ANO5: variants seen among roughly 807,000 people sequenced by gnomAD.
ANO5 encodes the protein anoctamin-5.
In ANO5, 109 loss-of-function variants were observed where a neutral mutation model predicts 121.0. That is an observed-to-expected ratio of 0.90 (90% CI 0.77 to 1.06). ANO5 has a LOEUF of 1.06. ANO5 is among the 50% of genes least tolerant of loss of function. The probability of loss-of-function intolerance (pLI) is 0.00; values close to 1 mark genes in which losing one functional copy is unlikely to be tolerated. For synonymous variants in ANO5, 406 were observed against 359.9 expected (o/e 1.13, Z -1.45); for missense variants, 1,064 against 1,078.5 (o/e 0.99, Z 0.19).
At chr11:22,215,812 G>A (rs528881245) in intron 3 of ANO5, among the ~76,000 whole-genome samples, 20 of 151,788 alleles carry the variant, frequency 1.3e-4, no homozygotes, top group Admixed American at 5.9e-4. Flanking sequence ...TTTCCCTTTA[G>A]CGGTTTTCCT....
chr11:22,253,187 C>T (rs1257931269), intron 12 of ANO5, among the ~76,000 whole-genome samples: 2 of 152,104 alleles, frequency 1.3e-5, no homozygotes, highest in Non-Finnish European at 2.9e-5. Context: ...TTCCTGAAAT[C>T]CTTTTCAGGG....
intron 3 of ANO5, among the ~76,000 whole-genome samples, chr11:22,212,345 C>A (rs745874519): frequency 3.3e-5 from 5 of 151,832 alleles, no homozygotes; most frequent in Non-Finnish European, 5.9e-5. Context: ...TCCTCTCAGT[C>A]TTTTTGTATA....
At chr11:22,270,524 C>T in intron 18 of ANO5, 82 bp downstream of exon 18, 1 of 1,576,842 alleles carries the variant, frequency 6.3e-7, no homozygotes, top group Non-Finnish European at 8.7e-7. Context: ...TTCTGCCTTG[C>T]ACATGGTAGG....
chr11:22,262,981 CCA>C lies in ANO5; in HGVS notation c.1837_1838del (p.Gln613IlefsTer15), dbSNP rs1854242142. On this transcript the variant is annotated frameshift_variant, in exon 17 of 22. Transcript: ENST00000324559. LOFTEE classifies it high-confidence loss of function. ...PGGCLIELTT[Q>X]LTIIMTGKQI... ...GAGGCTGTCTTATAGAATTGACAAC[CCA>C]ATTGACCATTATAATGACCGGGAAA... The C allele has an allele frequency of 1.2e-6, 2 of 1,613,572 alleles. No individual in the cohort carries two copies. The highest frequency in any genetic ancestry group is 1.7e-6 in the Non-Finnish European group (2 of 1,179,716).
At chr11:22,256,778 G>C (rs1285131376) in intron 13 of ANO5, among the ~76,000 whole-genome samples, 1 of 151,926 alleles carries the variant, frequency 6.6e-6, no homozygotes, top group East Asian at 1.9e-4. Flanking sequence ...TGCTTCCTCA[G>C]TGTTTAAGGA....
At chr11:22,222,049 G>GT (rs1008170930) in intron 5 of ANO5, among the ~76,000 whole-genome samples, 8 of 151,740 alleles carry the variant, frequency 5.3e-5, no homozygotes, top group African/African-American at 1.5e-4. Flanking sequence ...CCTCTTTGAG[G>GT]TTTTTTGCTT....
Position 22,236,324 on chromosome 11 carries a change from C to T in ANO5, c.762+48C>T, listed in dbSNP as rs745980285. ...AAATCTGAGCTTATTTTCCTCCTGCCATGTTCATTACTGGGAGAGAGAATC... is the reference window on the plus strand; with the variant it reads ...AAATCTGAGCTTATTTTCCTCCTGCTATGTTCATTACTGGGAGAGAGAATC... On this transcript the variant is annotated intron_variant, in intron 8 of 21. Transcript: ENST00000324559. 11 of 1,421,018 alleles carry T rather than the reference C, an allele frequency of 7.7e-6. No individual in the cohort carries two copies. In the South Asian group the frequency reaches 1.3e-4, roughly 16 times the overall value. 88.0% of individuals were successfully genotyped at this position (1,421,018 alleles called of 1,614,324 possible). A position where few individuals can be genotyped will look rare whatever the true frequency, so the allele number is the denominator to read the frequency against.
intron 14 of ANO5, among the ~76,000 whole-genome samples, 172 bp from the exon 15 acceptor site, chr11:22,259,347 C>A (rs1476406556): frequency 6.6e-6 from 1 of 152,088 alleles, no homozygotes; most frequent in Non-Finnish European, 1.5e-5. Flanking sequence ...TTTTACCTTG[C>A]CAGTGTTCAT....
chr11:22,218,179 C>A (rs1852522942), intron 3 of ANO5, 67 bp from the exon 4 acceptor site: 1 of 1,553,100 alleles, frequency 6.4e-7, no homozygotes, highest in Admixed American at 1.7e-5. Context: ...TTGTCTTTGT[C>A]TTTTTTTTGG....
intron 2 of ANO5, among the ~76,000 whole-genome samples, chr11:22,209,870 A>C (rs59030591): frequency 6.6e-6 from 1 of 151,266 alleles, no homozygotes; most frequent in Non-Finnish European, 1.5e-5. Context: ...ATGCTTCTGT[A>C]AGCAAAACAA....
Position 22,193,329 on chromosome 11 carries a change from A to ATAAG in ANO5, c.-164_-163insTAAG. ...GAGACGGTGGAGTCCGAGGAGGAGG[A>ATAAG]GAAGGAGGCCTGCAGAAGGAAGAGC... On this transcript the variant is annotated 5_prime_UTR_variant, in exon 1 of 22. Coordinates refer to ENST00000324559, the MANE Select transcript of ANO5 (RefSeq NM_213599.3). The ATAAG allele has an allele frequency of 6.7e-7, 1 of 1,485,244 alleles. No individual in the cohort carries two copies. The highest frequency in any genetic ancestry group is 1.8e-4 in the Middle Eastern group (1 of 5,696). The allele number at this position is 1,485,244 out of a possible 1,614,324, so 92.0% of individuals were successfully genotyped here.
At chr11:22,249,044 T>C (rs1215449105) in intron 9 of ANO5, among the ~76,000 whole-genome samples, 2 of 152,008 alleles carry the variant, frequency 1.3e-5, no homozygotes, top group African/African-American at 4.8e-5. Context: ...GAATGGCAGA[T>C]TAGCAAGGGA....
chr11:22,263,169 T>G lies in ANO5; in HGVS notation c.1898+126T>G, dbSNP rs1037719888. Reference sequence around the variant, plus strand: ...AAAATGTTTAAGCCAAAAGAAAGCTTTATTTTTAATCAACAGTGAAGGTTG... The same window carrying G: ...AAAATGTTTAAGCCAAAAGAAAGCTGTATTTTTAATCAACAGTGAAGGTTG... On this transcript the variant is annotated intron_variant, in intron 17 of 21. Transcript: ENST00000324559. 8.1e-6 allele frequency: 6 copies of G among 736,968 alleles called. No homozygotes were observed. In the Admixed American group the frequency reaches 9.8e-5, roughly 12 times the overall value. The allele number at this position is 736,968 out of a possible 1,614,324, so 45.7% of individuals were successfully genotyped here.
At chr11:22,209,532 A>G (rs1852216185) in intron 2 of ANO5, among the ~76,000 whole-genome samples, 1 of 151,856 alleles carries the variant, frequency 6.6e-6, no homozygotes, top group Non-Finnish European at 1.5e-5. Context: ...TATGTCTCCT[A>G]TGTTTTGGAG....
Position 22,212,745 on chromosome 11 carries a change from A to T in ANO5, c.138+1431A>T, listed in dbSNP as rs1718712277. Among the ~76,000 whole-genome samples, 3 of 151,390 alleles carry T rather than the reference A, an allele frequency of 2.0e-5. No individual in the cohort carries two copies. In the South Asian group the frequency reaches 6.2e-4, roughly 32 times the overall value. Reference sequence around the variant, plus strand: ...ATGTGTGAGATATTCATCTTTTTCTACATTGAGTGGTCATTTAAATTTATT... The same window carrying T: ...ATGTGTGAGATATTCATCTTTTTCTTCATTGAGTGGTCATTTAAATTTATT... On this transcript the variant is annotated intron_variant, in intron 3 of 21. Transcript: ENST00000324559.
chr11:22,225,908 T>C, intron 5 of ANO5, 76 bp from the exon 6 acceptor site: 1 of 1,112,140 alleles, frequency 9.0e-7, no homozygotes, highest in Non-Finnish European at 1.4e-6. Context: ...ACAGCCATTG[T>C]ATATTGAATC....
chr11:22,256,732 TTTGTTTTG>T (rs912879800), intron 13 of ANO5, among the ~76,000 whole-genome samples: 10 of 120,130 alleles, frequency 8.3e-5, no homozygotes, highest in African/African-American at 5.4e-4. Context: ...AGAGTTTTTT[TTTGTTTTG>T]TTTTGTTTTG....
intron 17 of ANO5, among the ~76,000 whole-genome samples, chr11:22,267,788 C>A (rs1252821765): frequency 6.6e-6 from 1 of 152,104 alleles, no homozygotes; most frequent in African/African-American, 2.4e-5. Context: ...TTCTGATAGG[C>A]CCCAGTGTCT....
chr11:22,259,865 A>T, intron 15 of ANO5, 124 bp downstream of exon 15: 1 of 958,802 alleles, frequency 1.0e-6, no homozygotes, highest in South Asian at 1.4e-5. Context: ...GTTTTTCTCT[A>T]TAAATAGACC....
Sources: gnomAD v4.1 joint callset for allele counts (sites outside exome capture counted in the v4.1 genomes callset) on GRCh38, gnomAD v4.1.1 for gene constraint, MANE v1.5 for transcripts, NCBI Gene and HGNC (gene_info 2026-07-23, HGNC 2026-07-21) for gene names.